COL4A1: variants seen among roughly 807,000 people sequenced by gnomAD.
COL4A1 encodes the protein collagen type IV alpha 1 chain.
COL4A1 carries 40 observed loss-of-function variants against 216.6 expected under a neutral mutation model. The ratio of observed to expected loss-of-function variants is 0.18; its 90% CI spans 0.14 to 0.24. The LOEUF (loss-of-function observed/expected upper bound fraction) is 0.24, where lower values mean the gene tolerates loss of function less well. Among genes scored for constraint, COL4A1 ranks in the 10% least tolerant of loss-of-function variants. The pLI, the probability that COL4A1 is intolerant of heterozygous loss-of-function variation, is 1.00. For synonymous variants in COL4A1, 839 were observed against 810.7 expected (o/e 1.03, Z -0.59); for missense variants, 1,628 against 2,196.8 (o/e 0.74, Z 5.18).
At position 110,269,726 on chromosome 13, in the gene COL4A1, G is replaced by A. The variant is rs77163555; in HGVS notation, c.85-26992C>T. Among the ~76,000 whole-genome samples, 4 of 152,090 alleles carry A rather than the reference G, an allele frequency of 2.6e-5. No individual in the cohort carries two copies. In the East Asian group the frequency reaches 5.8e-4, roughly 22 times the overall value. ...GGTAGGTGCCAGCTGACCACAGGGCGCATCCCGATTGCATGCCCTGGACAC... is the reference window on the plus strand; with the variant it reads ...GGTAGGTGCCAGCTGACCACAGGGCACATCCCGATTGCATGCCCTGGACAC... On this transcript the variant is annotated intron_variant, in intron 1 of 51. Transcript: ENST00000375820.
intron 48 of COL4A1, chr13:110,161,811 G>A (rs1877099171): frequency 3.1e-6 from 1 of 327,556 alleles, no homozygotes; most frequent in African/African-American, 2.1e-5. Context: ...ATCTAAACTA[G>A]AGGAGCAGAG....
chr13:110,197,523 A>G (rs1421779168), intron 21 of COL4A1, among the ~76,000 whole-genome samples: 2 of 152,048 alleles, frequency 1.3e-5, no homozygotes, highest in African/African-American at 2.4e-5. Flanking sequence ...TTTTATCTTC[A>G]TTTCCCATGT....
chr13:110,248,934 G>A (rs1350139173), intron 1 of COL4A1, among the ~76,000 whole-genome samples: 4 of 152,214 alleles, frequency 2.6e-5, no homozygotes, highest in South Asian at 2.1e-4. Flanking sequence ...GTGGAGAATG[G>A]ACTTTCTAGC....
At chr13:110,204,068 G>T (rs958895777) in intron 17 of COL4A1, among the ~76,000 whole-genome samples, 28 of 152,262 alleles carry the variant, frequency 1.8e-4, no homozygotes, top group Non-Finnish European at 3.7e-4. Flanking sequence ...TGCATTGGAG[G>T]TCATAATGTA....
chr13:110,277,405 C>T (rs997029944), intron 1 of COL4A1, among the ~76,000 whole-genome samples: 1 of 152,152 alleles, frequency 6.6e-6, no homozygotes, highest in Non-Finnish European at 1.5e-5. Flanking sequence ...CTTTTCAGAA[C>T]ATCTTTTTAT....
chr13:110,198,566 G>C lies in COL4A1; in HGVS notation c.1186C>G (p.Arg396Gly), dbSNP rs1281209732. ...FPGERGEKGDRGFPGTSLPGP... is the reference protein window; with the variant it reads ...FPGERGEKGDGGFPGTSLPGP... ...GGCAGAGATGTACCAGGAAATCCTC[G>C]GTCACCTTTTTCTCCTCTTTCACCA... The change falls in exon 21 of 52, where the codon CGA (arginine) becomes GGA (glycine). Residue 396 changes from arginine to glycine, a missense_variant. Coordinates refer to ENST00000375820, the MANE Select transcript of COL4A1 (RefSeq NM_001845.6). The C allele has an allele frequency of 6.2e-7, 1 of 1,614,058 alleles. No homozygotes were observed. The highest frequency in any genetic ancestry group is 1.7e-5 in the Admixed American group (1 of 60,016).
chr13:110,243,958 G>A (rs913080865), intron 1 of COL4A1, among the ~76,000 whole-genome samples: 1 of 152,154 alleles, frequency 6.6e-6, no homozygotes, highest in African/African-American at 2.4e-5. Flanking sequence ...AATTTCCTTA[G>A]AAGAATCCCA....
At chr13:110,279,555 G>A (rs1883547391) in intron 1 of COL4A1, among the ~76,000 whole-genome samples, 1 of 152,142 alleles carries the variant, frequency 6.6e-6, no homozygotes, top group South Asian at 2.1e-4. Context: ...TGGGGGGCTG[G>A]AGGACCACAC....
In COL4A1 at chr13:110,261,284, G is replaced by A. The variant is rs188165315; in HGVS notation, c.85-18550C>T. Among the ~76,000 whole-genome samples the A allele has an allele frequency of 4.0e-4, 61 of 152,238 alleles. 1 individual carries two copies. The highest frequency in any genetic ancestry group is 3.8e-3 in the Admixed American group (58 of 15,306). ...CGACCCATCACAACTTCACCCAGAA[G>A]GGACTGCCTCTGATGGAATTCCACA... is the stretch of plus-strand genomic sequence containing the variant. On this transcript the variant is annotated intron_variant, in intron 1 of 51. Transcript: ENST00000375820.
intron 2 of COL4A1, among the ~76,000 whole-genome samples, chr13:110,230,292 ATG>A (rs1293535542): frequency 4.6e-5 from 7 of 151,450 alleles, no homozygotes; most frequent in Non-Finnish European, 8.8e-5. Flanking sequence ...GTGTATATGT[ATG>A]TGTGTGGTGT....
intron 1 of COL4A1, among the ~76,000 whole-genome samples, chr13:110,287,075 G>A (rs1883870600): frequency 1.3e-5 from 2 of 152,154 alleles, no homozygotes; most frequent in Non-Finnish European, 2.9e-5. Context: ...TTCACACAGA[G>A]GCCACCCACC....
intron 24 of COL4A1, among the ~76,000 whole-genome samples, chr13:110,187,824 G>C (rs1022523374): frequency 2.6e-5 from 4 of 152,190 alleles, no homozygotes; most frequent in African/African-American, 9.6e-5. Flanking sequence ...GGCCCACTGA[G>C]CTACCCGTCA....
Position 110,207,036 on chromosome 13 carries a change from A to T in COL4A1, c.781-145T>A. On this transcript the variant is annotated intron_variant, in intron 13 of 51. Transcript: ENST00000375820. This position sits in a 1 kb window ranked among gnomAD's most constrained non-coding sequence, Gnocchi z 4.4. ...CATGTTGATCTCCAGCACTCACTTG[A>T]CATTGACTGGTATAAATGTAAGCAG... 1.1e-6 allele frequency: 1 copy of T among 884,696 alleles called. No homozygotes were observed. Among genetic ancestry groups the T allele is most frequent in the Non-Finnish European group, 1.8e-6 (1 of 552,100 alleles). The allele number at this position is 884,696 out of a possible 1,614,324, so 54.8% of individuals were successfully genotyped here.
chr13:110,201,196 G>T (rs556743039), intron 19 of COL4A1, among the ~76,000 whole-genome samples: 3 of 141,200 alleles, frequency 2.1e-5, no homozygotes, highest in Non-Finnish European at 3.1e-5. Context: ...GTCAAAACTA[G>T]ACAAAAAGAG....
At chr13:110,153,956 A>G (rs1345619247) in intron 50 of COL4A1, among the ~76,000 whole-genome samples, 1 of 152,124 alleles carries the variant, frequency 6.6e-6, no homozygotes, top group Non-Finnish European at 1.5e-5. Flanking sequence ...CAGACGCCAC[A>G]CCATCCGTGA....
intron 21 of COL4A1, among the ~76,000 whole-genome samples, chr13:110,197,801 G>A (rs113792717): frequency 1.2e-3 from 178 of 152,298 alleles, no homozygotes; most frequent in African/African-American, 4.0e-3. Flanking sequence ...CAGAGGATTC[G>A]TGTTTCAGGG....
chr13:110,237,794 C>G (rs765216354), intron 2 of COL4A1, among the ~76,000 whole-genome samples: 1 of 152,216 alleles, frequency 6.6e-6, no homozygotes, highest in Non-Finnish European at 1.5e-5. Flanking sequence ...AAAGGTGTGA[C>G]ATGGACATAC....
intron 1 of COL4A1, among the ~76,000 whole-genome samples, chr13:110,299,215 G>A (rs2029766): frequency 0.9 from 137,252 of 152,304 alleles, 62,663 homozygotes; most frequent in East Asian, 0.98. Flanking sequence ...CTGCTCAAGC[G>A]GCGGCCTCAG....
intron 15 of COL4A1, among the ~76,000 whole-genome samples, chr13:110,206,029 T>G (rs1026973435): frequency 1.8e-4 from 27 of 150,662 alleles, no homozygotes; most frequent in African/African-American, 6.1e-4. Context: ...GATGAATAAT[T>G]ATGAAACAGT....
Sources: gnomAD v4.1 joint callset for allele counts (sites outside exome capture counted in the v4.1 genomes callset) on GRCh38, gnomAD v4.1.1 for gene constraint, Gnocchi (gnomAD v3.1) non-coding constraint, MANE v1.5 for transcripts, NCBI Gene and HGNC (gene_info 2026-07-23, HGNC 2026-07-21) for gene names.